The following TRDN variants were observed in gnomAD, a reference collection of about 807,000 sequenced individuals.
TRDN encodes triadin, also known as triadin in skeletal muscle.
TRDN carries 161 observed loss-of-function variants against 149.7 expected under a neutral mutation model. The observed-to-expected ratio is 1.08, with a 90% CI of 0.95 to 1.23. The LOEUF (loss-of-function observed/expected upper bound fraction) is 1.23, where lower values mean the gene tolerates loss of function less well. Among genes scored for constraint, TRDN ranks in the 50% most tolerant of loss-of-function variants. The probability of loss-of-function intolerance (pLI) is 0.00; values close to 1 mark genes in which losing one functional copy is unlikely to be tolerated. For missense variants in TRDN, 896 were observed against 823.5 expected (o/e 1.09, Z -1.08); for synonymous variants, 294 against 250.5 (o/e 1.17, Z -1.64).
intron 24 of TRDN, among the ~76,000 whole-genome samples, chr6:123,312,430 TTA>T (rs1368012589): frequency 6.6e-6 from 1 of 151,946 alleles, no homozygotes; most frequent in East Asian, 1.9e-4. Flanking sequence ...TAAATATATT[TTA>T]TCTTATGATA....
At chr6:123,430,099 A>G (rs1230262876) in intron 12 of TRDN, among the ~76,000 whole-genome samples, 1 of 151,876 alleles carries the variant, frequency 6.6e-6, no homozygotes, top group African/African-American at 2.4e-5. Context: ...GTGAGACCTC[A>G]CCTCTACAAA....
chr6:123,265,951 A>G (rs1776937741), intron 32 of TRDN, among the ~76,000 whole-genome samples: 3 of 146,244 alleles, frequency 2.1e-5, no homozygotes, highest in African/African-American at 7.4e-5. Flanking sequence ...CTAAAGTTCT[A>G]TTTCTTCATA....
intron 32 of TRDN, among the ~76,000 whole-genome samples, chr6:123,265,649 G>A (rs978635843): frequency 6.8e-6 from 1 of 146,766 alleles, no homozygotes; most frequent in Non-Finnish European, 1.5e-5. Flanking sequence ...TACTGTTTCT[G>A]AAATAGCATA....
At chr6:123,366,903 G>T (rs918009571) in intron 19 of TRDN, among the ~76,000 whole-genome samples, 10 of 152,176 alleles carry the variant, frequency 6.6e-5, no homozygotes, top group Admixed American at 4.6e-4. Context: ...TCATGGTTGA[G>T]TCTGCTAAAA....
At chr6:123,397,553 GA>G (rs929444092) in intron 12 of TRDN, among the ~76,000 whole-genome samples, 99 of 151,688 alleles carry the variant, frequency 6.5e-4, no homozygotes, top group Middle Eastern at 6.8e-3. Context: ...CTATAAAAAT[GA>G]AAAAAAATCC....
intron 12 of TRDN, among the ~76,000 whole-genome samples, chr6:123,427,179 C>T (rs1774157999): frequency 6.6e-6 from 1 of 151,570 alleles, no homozygotes; most frequent in African/African-American, 2.4e-5. Flanking sequence ...ATGTTTTTTG[C>T]TGGAATAGGC....
chr6:123,276,676 AT>A (rs2114622870), intron 26 of TRDN, among the ~76,000 whole-genome samples: 1 of 152,164 alleles, frequency 6.6e-6, no homozygotes, highest in African/African-American at 2.4e-5. Context: ...AGAAATAGAG[AT>A]GTGGTTATCC....
chr6:123,485,531 C>T (rs1158109407), intron 9 of TRDN, among the ~76,000 whole-genome samples: 1 of 151,836 alleles, frequency 6.6e-6, no homozygotes, highest in Non-Finnish European at 1.5e-5. Context: ...ATATAAGCAG[C>T]AGAAAAAGAT....
chr6:123,487,568 T>C (rs1778028053), intron 9 of TRDN, among the ~76,000 whole-genome samples: 1 of 152,104 alleles, frequency 6.6e-6, no homozygotes, highest in Non-Finnish European at 1.5e-5. Flanking sequence ...CTTTCCTTCA[T>C]TGTTCTGCTT....
intron 38 of TRDN, among the ~76,000 whole-genome samples, chr6:123,244,489 G>C (rs1026051865): frequency 6.6e-5 from 10 of 152,166 alleles, no homozygotes; most frequent in African/African-American, 2.4e-4. Context: ...AGAAGAAAAG[G>C]TAACAGAGAC....
intron 32 of TRDN, among the ~76,000 whole-genome samples, chr6:123,266,300 ATATAAT>A (rs1306167549): frequency 2.8e-5 from 3 of 108,280 alleles, no homozygotes; most frequent in Admixed American, 2.8e-4. Context: ...TATGTATTAT[ATATAAT>A]TATATGTAAT....
intron 1 of TRDN, among the ~76,000 whole-genome samples, chr6:123,581,995 A>C (rs960183251): frequency 1.3e-5 from 2 of 152,214 alleles, no homozygotes; most frequent in Non-Finnish European, 2.9e-5. Flanking sequence ...ATTCTGAGCC[A>C]AATATAAGTG....
At chr6:123,443,996 G>A (rs192245085) in intron 10 of TRDN, among the ~76,000 whole-genome samples, 14 of 151,142 alleles carry the variant, frequency 9.3e-5, no homozygotes, top group Admixed American at 3.9e-4. Context: ...TTGACTTGGC[G>A]ATGTAGGCTC....
intron 24 of TRDN, 80 bp from the exon 25 acceptor site, chr6:123,279,162 T>A (rs1777489248): frequency 1.8e-6 from 2 of 1,141,792 alleles, no homozygotes; most frequent in Admixed American, 5.1e-5. Flanking sequence ...TGATATAATA[T>A]ATTTGAAAAT....
chr6:123,298,733 A>T (rs1459813922), intron 24 of TRDN, among the ~76,000 whole-genome samples: 2 of 152,096 alleles, frequency 1.3e-5, no homozygotes, highest in Admixed American at 1.3e-4. Context: ...ACAATTCATC[A>T]AAATACTGCT....
At chr6:123,583,206 C>CTG (rs557403630) in intron 1 of TRDN, among the ~76,000 whole-genome samples, 1 of 152,070 alleles carries the variant, frequency 6.6e-6, no homozygotes, top group African/African-American at 2.4e-5. Flanking sequence ...CTTGGAGAAA[C>CTG]TGTAAACCGG....
intron 9 of TRDN, among the ~76,000 whole-genome samples, chr6:123,478,488 C>A (rs921101824): frequency 1.3e-5 from 2 of 152,090 alleles, no homozygotes; most frequent in Admixed American, 1.3e-4. Context: ...TTTCTATCAA[C>A]TCCACAGAAA....
chr6:123,458,780 C>G (rs1159534699), intron 10 of TRDN, among the ~76,000 whole-genome samples: 4 of 151,790 alleles, frequency 2.6e-5, no homozygotes, highest in African/African-American at 9.7e-5. Flanking sequence ...TTGAAGCTAA[C>G]CTTTGTATGA....
rs1583079482 is a variant in TRDN, at chr6:123,464,280, C to T, written c.931+626G>A. The T allele has an allele frequency of 7.1e-6, 7 of 984,990 alleles. No individual in the cohort carries two copies. The Admixed American group carries it at 1.8e-4, about 26-fold the overall frequency. The allele number at this position is 984,990 out of a possible 1,614,324, so 61.0% of individuals were successfully genotyped here. Reference sequence around the variant, plus strand: ...CGTTCCAGCAAAATTTATTACAAAGCTGATCTTGAGACATCATATTTTCAA... The same window carrying T: ...CGTTCCAGCAAAATTTATTACAAAGTTGATCTTGAGACATCATATTTTCAA... On this transcript the variant is annotated intron_variant, in intron 10 of 40. Transcript: ENST00000334268.
Sources: gnomAD v4.1 joint callset for allele counts (sites outside exome capture counted in the v4.1 genomes callset) on GRCh38, gnomAD v4.1.1 for gene constraint, MANE v1.5 for transcripts, NCBI Gene and HGNC (gene_info 2026-07-23, HGNC 2026-07-21) for gene names.